Variants in DAPK1 observed in about 807,000 individuals in gnomAD.
The protein encoded by DAPK1 is death-associated protein kinase 1.
A neutral mutation model predicts 144.9 loss-of-function variants in DAPK1; 56 were observed. The observed-to-expected ratio is 0.39, with a 90% confidence interval of 0.31 to 0.48. The LOEUF is 0.48. DAPK1 is among the 20% of genes least tolerant of loss of function. The pLI, the probability that DAPK1 is intolerant of heterozygous loss-of-function variation, is 0.95. For missense variants in DAPK1, 1,454 were observed against 1,875.4 expected, an observed-to-expected ratio of 0.78 and a Z score of 4.15; for synonymous variants, 690 against 749.0, an observed-to-expected ratio of 0.92 and a Z score of 1.29.
Position 87,686,470 on chromosome 9 carries a change from G to T in DAPK1, c.2225-81G>T. 4 of 789,968 alleles carry T rather than the reference G, an allele frequency of 5.1e-6. No homozygotes were observed. Among genetic ancestry groups the T allele is most frequent in the Non-Finnish European group, 8.5e-6 (4 of 473,036 alleles). 48.9% of individuals were successfully genotyped at this position (789,968 alleles called of 1,614,324 possible). A position where few individuals can be genotyped will look rare whatever the true frequency, so the allele number is the denominator to read the frequency against. ...GGGACAGAGGCGTGCTCCAGAAAAG[G>T]AAACCTCAGGGCCAGCCTGGGAGGG... On this transcript the variant is annotated intron_variant, in intron 20 of 25. Transcript: ENST00000408954. This position sits in a 1 kb window ranked among gnomAD's most constrained non-coding sequence, Gnocchi z 4.2.
chr9:87,610,154 T>C (rs1446092247), intron 3 of DAPK1, among the ~76,000 whole-genome samples: 1 of 152,224 alleles, frequency 6.6e-6, no homozygotes, highest in East Asian at 1.9e-4. Flanking sequence ...TAAAGGCATA[T>C]GTTTTTCCCC....
At chr9:87,659,850 CG>C (rs991804350) in intron 18 of DAPK1, among the ~76,000 whole-genome samples, 1 of 152,158 alleles carries the variant, frequency 6.6e-6, no homozygotes, top group African/African-American at 2.4e-5. Flanking sequence ...CCGCACACAC[CG>C]GGGGCACAGT....
chr9:87,603,780 G>A (rs571069753), intron 2 of DAPK1, among the ~76,000 whole-genome samples: 109 of 152,242 alleles, frequency 7.2e-4, no homozygotes, highest in African/African-American at 2.0e-3. Flanking sequence ...GGGTCTTTCC[G>A]TTGTGTTCCG....
chr9:87,562,614 G>A (rs1289085990), intron 2 of DAPK1, among the ~76,000 whole-genome samples: 1 of 152,200 alleles, frequency 6.6e-6, no homozygotes, highest in Non-Finnish European at 1.5e-5. Flanking sequence ...TTATAGAAAA[G>A]AGTATTAGGA....
At chr9:87,633,487 A>G (rs1395629774) in intron 3 of DAPK1, 8 of 538,204 alleles carry the variant, frequency 1.5e-5, no homozygotes, top group Non-Finnish European at 1.7e-5. Context: ...CAGCCATGAC[A>G]TGGACTGCTT....
At chr9:87,603,814 A>G (rs930302979) in intron 2 of DAPK1, among the ~76,000 whole-genome samples, 8 of 152,118 alleles carry the variant, frequency 5.3e-5, no homozygotes, top group Middle Eastern at 6.8e-3. Context: ...GGGCCTGTGT[A>G]CCTCTCACCG....
chr9:87,508,197 A>C (rs1824682423), intron 2 of DAPK1, among the ~76,000 whole-genome samples: 1 of 150,950 alleles, frequency 6.6e-6, no homozygotes, highest in Non-Finnish European at 1.5e-5. Flanking sequence ...TTTTTAGTAG[A>C]GACGGGGTTT....
chr9:87,643,370 A>T lies in DAPK1; in HGVS notation c.919-6A>T. 6.5e-7 allele frequency: 1 copy of T among 1,535,872 alleles called. No homozygotes were observed. The highest frequency in any genetic ancestry group is 8.7e-7 in the Non-Finnish European group (1 of 1,147,108). On this transcript the variant is annotated splice_region_variant and splice_polypyrimidine_tract_variant and intron_variant, in intron 10 of 25. Coordinates refer to ENST00000408954, the MANE Select transcript of DAPK1 (RefSeq NM_004938.4). ...CCCTTTTTTTTTTTTTTTTTTTAAAAAAAAGCAATCCGTTCGCTTGATATC... is the reference window on the plus strand; with the variant it reads ...CCCTTTTTTTTTTTTTTTTTTTAAATAAAAGCAATCCGTTCGCTTGATATC...
chr9:87,505,935 G>A (rs949767278), intron 2 of DAPK1, among the ~76,000 whole-genome samples: 5 of 152,016 alleles, frequency 3.3e-5, no homozygotes, highest in East Asian at 1.9e-4. Context: ...TGATCCGCCC[G>A]TCTCGGCCTC....
chr9:87,570,524 T>C (rs1400730500), intron 2 of DAPK1, among the ~76,000 whole-genome samples: 1 of 152,134 alleles, frequency 6.6e-6, no homozygotes, highest in Non-Finnish European at 1.5e-5. Context: ...CATTATTTTG[T>C]ATGTAAAAAA....
intron 24 of DAPK1, among the ~76,000 whole-genome samples, chr9:87,701,654 G>GGCCTGAGGACAAATGC (rs1825456785): frequency 6.6e-6 from 1 of 152,012 alleles, no homozygotes; most frequent in South Asian, 2.1e-4. Context: ...CTGCTGCCGA[G>GGCCTGAGGACAAATGC]GCCTGAGGAC....
chr9:87,511,352 T>G (rs1298613145), intron 2 of DAPK1, among the ~76,000 whole-genome samples: 1 of 152,216 alleles, frequency 6.6e-6, no homozygotes, highest in Non-Finnish European at 1.5e-5. Flanking sequence ...GCTGTGCATC[T>G]GAAAGTTGGC....
chr9:87,504,899 A>G (rs1460099444), intron 2 of DAPK1, among the ~76,000 whole-genome samples: 1 of 152,244 alleles, frequency 6.6e-6, no homozygotes, highest in Admixed American at 6.5e-5. Flanking sequence ...AAAAGTCTGT[A>G]TATGTTCAGT....
chr9:87,598,850 C>T lies in DAPK1; in HGVS notation c.63-6104C>T, dbSNP rs76203751. Among the ~76,000 whole-genome samples the T allele has an allele frequency of 7.0e-3, 1,070 of 152,300 alleles. 7 individuals carry two copies. Among genetic ancestry groups the T allele is most frequent in the Non-Finnish European group, 0.012 (830 of 68,024 alleles). On this transcript the variant is annotated intron_variant, in intron 2 of 25. Transcript: ENST00000408954. The stretch of plus-strand genomic sequence containing the variant: ...ATCCTTGTGCCTTGACCTTGAGAAT[C>T]AACTTGGGTTTCTTTCTGATTGTTA...
intron 3 of DAPK1, 96 bp downstream of exon 3, chr9:87,605,271 G>T: frequency 9.9e-7 from 1 of 1,008,008 alleles, no homozygotes; most frequent in Non-Finnish European, 1.5e-6. Context: ...GCCCGAGAGA[G>T]GGATCAGGAA....
chr9:87,577,438 T>TC (rs1168891115), intron 2 of DAPK1, among the ~76,000 whole-genome samples: 2 of 151,868 alleles, frequency 1.3e-5, no homozygotes, highest in South Asian at 2.1e-4. Flanking sequence ...AAAGCCAGGG[T>TC]CCCCCCCAAG....
At chr9:87,622,396 A>T (rs183533075) in intron 3 of DAPK1, among the ~76,000 whole-genome samples, 1 of 152,186 alleles carries the variant, frequency 6.6e-6, no homozygotes, top group African/African-American at 2.4e-5. Flanking sequence ...ACAAAACAGC[A>T]CTAAAGGTTG....
chr9:87,585,843 T>C (rs1361817584), intron 2 of DAPK1, among the ~76,000 whole-genome samples: 1 of 152,234 alleles, frequency 6.6e-6, no homozygotes, highest in Non-Finnish European at 1.5e-5. Context: ...ACACTGGGGT[T>C]CAAACACTCA....
At chr9:87,676,283 A>G in intron 19 of DAPK1, among the ~76,000 whole-genome samples, 1 of 152,200 alleles carries the variant, frequency 6.6e-6, no homozygotes, top group Admixed American at 6.5e-5. Context: ...CTCCCCCTCC[A>G]AATAAATCAG....
Sources: allele counts gnomAD v4.1 joint callset (sites outside exome capture counted in the v4.1 genomes callset), GRCh38; gene constraint gnomAD v4.1.1; non-coding constraint Gnocchi (gnomAD v3.1); transcripts MANE v1.5; gene names NCBI Gene and HGNC (gene_info 2026-07-23, HGNC 2026-07-21).